RNF128: variants seen among roughly 807,000 people sequenced by gnomAD.
RNF128 encodes E3 ubiquitin-protein ligase RNF128.
A neutral mutation model predicts 26.2 loss-of-function variants in RNF128; 13 were observed. The observed-to-expected ratio is 0.50, with a 90% confidence interval of 0.32 to 0.79. The LOEUF (loss-of-function observed/expected upper bound fraction) is 0.79, where lower values mean the gene tolerates loss of function less well. Ranked by LOEUF, RNF128 falls within the 30% of genes least tolerant of loss-of-function variation. The pLI is 0.03. For synonymous variants in RNF128, 149 were observed against 142.5 expected, an observed-to-expected ratio of 1.05 and a Z score of -0.32; for missense variants, 315 against 349.7, an observed-to-expected ratio of 0.90 and a Z score of 0.79.
chrX:106,795,170 G>C (rs1930893170), intron 6 of RNF128, among the ~76,000 whole-genome samples: 1 of 111,485 alleles, frequency 9.0e-6, no homozygotes, highest in African/African-American at 3.3e-5. Flanking sequence ...CCAACTTCCT[G>C]GTTGATTTTT....
intron 1 of RNF128, among the ~76,000 whole-genome samples, chrX:106,763,636 A>G (rs1223591256): frequency 9.0e-6 from 1 of 111,117 alleles, no homozygotes; most frequent in Non-Finnish European, 1.9e-5. Flanking sequence ...CCTCCCGAGT[A>G]GCTGGGACTA....
chrX:106,745,740 T>C (rs1204947270), intron 1 of RNF128, among the ~76,000 whole-genome samples: 4 of 111,965 alleles, frequency 3.6e-5, no homozygotes, highest in Non-Finnish European at 7.5e-5. Context: ...CAAATTTGGT[T>C]CATCTGTGAC....
intron 1 of RNF128, among the ~76,000 whole-genome samples, chrX:106,755,114 A>T (rs1929977440): frequency 1.8e-5 from 2 of 112,149 alleles, no homozygotes; most frequent in African/African-American, 6.5e-5. Context: ...GAATCCCTGG[A>T]GACTACTGGG....
intron 1 of RNF128, among the ~76,000 whole-genome samples, chrX:106,745,591 G>T (rs1929781939): frequency 8.9e-6 from 1 of 111,786 alleles, no homozygotes. Context: ...TACTGATTTT[G>T]TCTGGTTCCT....
intron 1 of RNF128, among the ~76,000 whole-genome samples, chrX:106,745,059 T>C (rs1184464283): frequency 1.8e-5 from 2 of 111,850 alleles, no homozygotes; most frequent in African/African-American, 3.2e-5. Flanking sequence ...ATTATTCATC[T>C]GTGACCTTTT....
chrX:106,716,578 T>C (rs1029970866), intron 1 of RNF128, among the ~76,000 whole-genome samples: 5 of 110,921 alleles, frequency 4.5e-5, no homozygotes, highest in Non-Finnish European at 7.5e-5. Context: ...AAAGGGTGAA[T>C]TTTACTCTAT....
At chrX:106,721,773 T>G (rs905947990), upstream of RNF128, among the ~76,000 whole-genome samples, 1 of 112,040 alleles carries the variant, frequency 8.9e-6, no homozygotes, top group Admixed American at 9.5e-5. Flanking sequence ...TATCAGCTAT[T>G]AATACTTAAG....
Position 106,727,361 on chromosome X carries a change from G to A in RNF128, c.448G>A (p.Gly150Arg), listed in dbSNP as rs749451330. 1.7e-6 allele frequency: 2 copies of A among 1,211,244 alleles called. No homozygotes were observed. Among genetic ancestry groups the A allele is most frequent in the African/African-American group, 1.7e-5 (1 of 57,636 alleles). Residue 150 changes from glycine (G) to arginine (R), a missense_variant, in exon 1 of 7, where the codon GGG (glycine) becomes AGG (arginine). By Grantham distance (125) the Gly-to-Arg change is moderately radical. Coordinates refer to ENST00000255499, the MANE Select transcript of RNF128 (RefSeq NM_194463.2). The part of the protein sequence containing the change: ...ASGAVIFNFP[G>R]TRNEVIPMSH... ...TGGAGCCGTCATCTTTAACTTCCCC[G>A]GGACCCGCAATGAGGTCATCCCCAT...
rs780011566 is a variant in RNF128, at chrX:106,763,529, C to T, written c.485-9384C>T. On this transcript the variant is annotated intron_variant, in intron 1 of 6. Transcript: ENST00000255499. ...TCAGGGTTTTTTGTTTTCGTTGAGA[C>T]GGAGTCTCGCTCTGTCGTCCAGGCT... is the stretch of plus-strand genomic sequence containing the variant. Among the ~76,000 whole-genome samples the T allele has an allele frequency of 3.9e-4, 44 of 112,760 alleles. No individual in the cohort carries two copies. In the Admixed American group the frequency reaches 3.9e-3, roughly 10 times the overall value.
At chrX:106,715,422 T>C (rs1929196979) in intron 1 of RNF128, among the ~76,000 whole-genome samples, 1 of 112,429 alleles carries the variant, frequency 8.9e-6, no homozygotes, top group Admixed American at 9.5e-5. Context: ...TCTTTTTACA[T>C]AGGAATTCAA....
chrX:106,724,061 C>T (rs1020943498), upstream of RNF128, among the ~76,000 whole-genome samples: 6 of 110,952 alleles, frequency 5.4e-5, no homozygotes, highest in African/African-American at 2.0e-4. Context: ...ACCTCAAAAT[C>T]GACATATCTA....
At chrX:106,694,077 T>A (rs1569433125) in exon 1 of RNF128, 1 of 1,205,089 alleles carries the variant, frequency 8.3e-7, no homozygotes, top group Non-Finnish European at 1.1e-6. Flanking sequence ...TTACAGCATC[T>A]TTTTCAATGA....
At chrX:106,737,196 T>C (rs1929614891) in intron 1 of RNF128, among the ~76,000 whole-genome samples, 2 of 111,526 alleles carry the variant, frequency 1.8e-5, no homozygotes, top group Admixed American at 1.9e-4. Flanking sequence ...ATTTGTGGCT[T>C]AGTTAGTCAT....
intron 2 of RNF128, among the ~76,000 whole-genome samples, chrX:106,777,066 T>C (rs1209613915): frequency 4.5e-5 from 5 of 111,804 alleles, no homozygotes. Flanking sequence ...CGGATTTTTT[T>C]TGTAACCAAA....
chrX:106,763,070 G>A (rs1046767476), intron 1 of RNF128, among the ~76,000 whole-genome samples: 4 of 108,432 alleles, frequency 3.7e-5, no homozygotes, highest in East Asian at 3.0e-4. Context: ...TGAGTAATTA[G>A]GAGCCACTAA....
chrX:106,791,054 T>C lies in RNF128; in HGVS notation c.985-12T>C. 1 of 1,199,310 alleles carries C rather than the reference T, an allele frequency of 8.3e-7. No homozygotes were observed. Among genetic ancestry groups the C allele is most frequent in the Non-Finnish European group, 1.1e-6 (1 of 887,206 alleles). On this transcript the variant is annotated splice_polypyrimidine_tract_variant and intron_variant, in intron 5 of 6. Coordinates refer to ENST00000255499, the MANE Select transcript of RNF128 (RefSeq NM_194463.2). ...ACTGAGAGGCTTTTAATTTGTTACA[T>C]GTTCTTTAAAGGTGGATGTTGAAGA...
chrX:106,755,604 T>C lies in RNF128; in HGVS notation c.485-17309T>C, dbSNP rs73531114. On this transcript the variant is annotated intron_variant, in intron 1 of 6. Transcript: ENST00000255499. ...ATTTATCCTAGGGATGCAAGGATAG[T>C]TATACATAAATCAATCAATGTCCTA... is the stretch of plus-strand genomic sequence containing the variant. Among the ~76,000 whole-genome samples the C allele has an allele frequency of 3.5e-3, 387 of 111,824 alleles. 3 individuals are homozygous for C. Among genetic ancestry groups the C allele is most frequent in the African/African-American group, 0.012 (370 of 30,815 alleles).
intron 1 of RNF128, among the ~76,000 whole-genome samples, chrX:106,720,277 C>A (rs1450502773): frequency 1.8e-5 from 2 of 111,590 alleles, no homozygotes; most frequent in African/African-American, 6.5e-5. Context: ...CTCAAGATAG[C>A]TAATTTGATC....
intron 1 of RNF128, among the ~76,000 whole-genome samples, chrX:106,741,510 A>G: frequency 8.9e-6 from 1 of 112,147 alleles, no homozygotes; most frequent in Non-Finnish European, 1.9e-5. Flanking sequence ...CACTGTGGCA[A>G]TAAGCATTCC....
Sources: gnomAD v4.1 joint callset for allele counts (sites outside exome capture counted in the v4.1 genomes callset) on GRCh38, gnomAD v4.1.1 for gene constraint, MANE v1.5 for transcripts, NCBI Gene and HGNC (gene_info 2026-07-23, HGNC 2026-07-21) for gene names.